Variants in YAF2 observed in about 807,000 individuals in gnomAD.
YAF2 encodes the protein YY1-associated factor 2.
Under a neutral mutation model 20.1 loss-of-function variants are expected in YAF2, and 7 were observed. The ratio of observed to expected loss-of-function variants is 0.35; its 90% CI spans 0.20 to 0.65. The LOEUF (loss-of-function observed/expected upper bound fraction) is 0.65. Among genes scored for constraint, YAF2 ranks in the 30% least tolerant of loss-of-function variants. The pLI is 0.69. For missense variants in YAF2, 151 were observed against 219.2 expected (o/e 0.69, Z 1.96); for synonymous variants, 74 against 76.0 (o/e 0.97, Z 0.14).
chr12:42,211,806 T>G (rs2137237664), intron 2 of YAF2, among the ~76,000 whole-genome samples: 1 of 151,220 alleles, frequency 6.6e-6, no homozygotes, highest in East Asian at 1.9e-4. Flanking sequence ...TCCAGCACTT[T>G]GGGAGGCCGA....
chr12:42,175,510 G>C (rs1321502939), intron 2 of YAF2, among the ~76,000 whole-genome samples: 1 of 141,488 alleles, frequency 7.1e-6, no homozygotes, highest in Non-Finnish European at 1.5e-5. Context: ...TTTATGTGTG[G>C]TTTATTGTAT....
intron 2 of YAF2, among the ~76,000 whole-genome samples, chr12:42,196,855 C>T (rs1206297828): frequency 1.3e-5 from 2 of 152,074 alleles, no homozygotes; most frequent in African/African-American, 4.8e-5. Flanking sequence ...AAACCGATAC[C>T]ACCAGTCATT....
chr12:42,218,186 ACAC>A (rs1366147789), intron 2 of YAF2, among the ~76,000 whole-genome samples: 33 of 5,328 alleles, frequency 6.2e-3, no homozygotes, highest in South Asian at 0.015. Flanking sequence ...CTACTAGGAA[ACAC>A]ACACACACAC....
chr12:42,234,925 C>T, intron 2 of YAF2: 1 of 892,090 alleles, frequency 1.1e-6, no homozygotes. Flanking sequence ...GAGTTCGAGG[C>T]TGCAGTGAGC....
At chr12:42,174,467 T>C (rs562935305) in intron 2 of YAF2, among the ~76,000 whole-genome samples, 21 of 152,322 alleles carry the variant, frequency 1.4e-4, no homozygotes, top group Admixed American at 1.2e-3. Context: ...CATTTACTGA[T>C]TCCCTTCCAG....
At chr12:42,224,778 G>C (rs2067638008) in intron 2 of YAF2, among the ~76,000 whole-genome samples, 1 of 152,150 alleles carries the variant, frequency 6.6e-6, no homozygotes, top group African/African-American at 2.4e-5. Context: ...GTCTATCATT[G>C]ATGGGCATTT....
intron 2 of YAF2, chr12:42,231,606 G>A (rs1295753646): frequency 6.6e-6 from 1 of 152,132 alleles, no homozygotes; most frequent in Admixed American, 6.5e-5. Flanking sequence ...GTACTTTGAT[G>A]GATTACCCAT....
chr12:42,210,714 G>T, intron 2 of YAF2: 1 of 1,516,372 alleles, frequency 6.6e-7, no homozygotes. Context: ...CATTTTATTT[G>T]AGATTATTAT....
At chr12:42,227,456 A>C in intron 2 of YAF2, among the ~76,000 whole-genome samples, 2 of 91,134 alleles carry the variant, frequency 2.2e-5, no homozygotes, top group African/African-American at 4.8e-5. Flanking sequence ...CCGGCCGCCC[A>C]TCGTCTGAGA....
intron 2 of YAF2, among the ~76,000 whole-genome samples, chr12:42,168,294 T>C (rs934674730): frequency 1.5e-4 from 23 of 151,556 alleles, no homozygotes; most frequent in African/African-American, 5.3e-4. Context: ...TTCTCCTGCC[T>C]CAGCCTCTCT....
chr12:42,170,781 G>T (rs1438105719), intron 2 of YAF2, among the ~76,000 whole-genome samples: 1 of 152,212 alleles, frequency 6.6e-6, no homozygotes, highest in African/African-American at 2.4e-5. Flanking sequence ...GGGAGGTTGA[G>T]ACTGCAGTGA....
intron 2 of YAF2, among the ~76,000 whole-genome samples, chr12:42,197,306 C>T (rs1199865840): frequency 6.6e-6 from 1 of 152,164 alleles, no homozygotes; most frequent in Admixed American, 6.5e-5. Flanking sequence ...TTGTCCAACA[C>T]CCCAGTGACC....
chr12:42,235,329 T>C (rs1462325257), intron 2 of YAF2: 1 of 1,001,376 alleles, frequency 1.0e-6, no homozygotes, highest in Non-Finnish European at 1.2e-6. Flanking sequence ...CTTTTGCTTC[T>C]CAACACCGTT....
chr12:42,236,893 A>C (rs1478636229), intron 2 of YAF2, among the ~76,000 whole-genome samples: 1 of 152,222 alleles, frequency 6.6e-6, no homozygotes, highest in African/African-American at 2.4e-5. Flanking sequence ...ATTCAAAGTC[A>C]TTTTTTAAAA....
At chr12:42,204,460 C>T (rs191255763) in intron 2 of YAF2, among the ~76,000 whole-genome samples, 7 of 152,262 alleles carry the variant, frequency 4.6e-5, no homozygotes, top group Admixed American at 2.6e-4. Flanking sequence ...CAACTATTTA[C>T]ATAGCACTTG....
chr12:42,206,797 T>C (rs1413016187), intron 2 of YAF2, among the ~76,000 whole-genome samples: 1 of 152,168 alleles, frequency 6.6e-6, no homozygotes, highest in Non-Finnish European at 1.5e-5. Context: ...TGAAAAGTTC[T>C]ATTATTCCCA....
At chr12:42,199,369 T>A in intron 2 of YAF2, 1 of 332,372 alleles carries the variant, frequency 3.0e-6, no homozygotes, top group South Asian at 3.4e-5. Context: ...GTTAAAACTT[T>A]AAAAAGTGAC....
chr12:42,216,720 C>T (rs1334679215), intron 2 of YAF2, among the ~76,000 whole-genome samples: 3 of 152,182 alleles, frequency 2.0e-5, no homozygotes, highest in Admixed American at 1.3e-4. Flanking sequence ...CCTTACCCAA[C>T]ATATCCAAAC....
At position 42,199,102 on chromosome 12, in the gene YAF2, GA is replaced by G. The variant is rs983373890; in HGVS notation, c.153-37338del. On this transcript the variant is annotated intron_variant, in intron 2 of 3. Transcript: ENST00000534854. ...TTCCTCTTGGGTACATCTTCAACAA[GA>G]TGATTTTAAGGTGAAAAACAGTGAC... The G allele has an allele frequency of 3.4e-6, 4 of 1,171,718 alleles. No individual in the cohort carries two copies. The Admixed American group carries it at 1.1e-4, about 31-fold the overall frequency. The allele number at this position is 1,171,718 out of a possible 1,614,324, so 72.6% of individuals were successfully genotyped here. A position where few individuals can be genotyped will look rare whatever the true frequency, so the allele number is the denominator to read the frequency against.
Sources: allele counts gnomAD v4.1 joint callset (sites outside exome capture counted in the v4.1 genomes callset), GRCh38; gene constraint gnomAD v4.1.1; transcripts MANE v1.5; gene names NCBI Gene and HGNC (gene_info 2026-07-23, HGNC 2026-07-21).